Variants in LINGO2 observed in about 807,000 individuals in gnomAD.
The protein encoded by LINGO2 is leucine-rich repeat and immunoglobulin-like domain-containing nogo receptor-interacting protein 2.
A neutral mutation model predicts 30.6 loss-of-function variants in LINGO2; 14 were observed. The observed-to-expected ratio is 0.46, with a 90% CI of 0.30 to 0.72. LINGO2 has a LOEUF of 0.72. Among genes scored for constraint, LINGO2 ranks in the 30% least tolerant of loss-of-function variants. The pLI, the probability that LINGO2 is intolerant of heterozygous loss-of-function variation, is 0.07. For missense variants in LINGO2, 729 were observed against 751.7 expected, an observed-to-expected ratio of 0.97 and a Z score of 0.35; for synonymous variants, 317 against 288.5, an observed-to-expected ratio of 1.10 and a Z score of -1.00.
At chr9:28,423,537 G>A (rs1310944835) in intron 2 of LINGO2, among the ~76,000 whole-genome samples, 1 of 152,090 alleles carries the variant, frequency 6.6e-6, no homozygotes, top group East Asian at 1.9e-4. Flanking sequence ...GATGCTACCT[G>A]TCACTAAATT....
At position 28,388,373 on chromosome 9, in the gene LINGO2, C is replaced by T. The variant is rs567270334; in HGVS notation, c.-278-15505G>A. Among the ~76,000 whole-genome samples the T allele has an allele frequency of 1.3e-3, 193 of 152,268 alleles. No homozygotes were observed. The Middle Eastern group carries it at 0.024, about 19-fold the overall frequency. On this transcript the variant is annotated intron_variant, in intron 2 of 5. Transcript: ENST00000379992. ...CTATTGTAAACATTGCTGCTGTTAA[C>T]GTTCACCCCTGTGTCTCCTGATTCA...
the LINGO2 span, among the ~76,000 whole-genome samples, chr9:28,963,466 A>G: frequency 6.6e-6 from 1 of 151,536 alleles, no homozygotes; most frequent in African/African-American, 2.4e-5. Flanking sequence ...TTACTGTGGC[A>G]TTATTCACAA....
At chr9:28,929,220 T>C in the LINGO2 span, among the ~76,000 whole-genome samples, 1 of 152,226 alleles carries the variant, frequency 6.6e-6, no homozygotes, top group Non-Finnish European at 1.5e-5. Context: ...GGGAGATACA[T>C]GACACAGTAG....
chr9:29,088,246 T>G, the LINGO2 span, among the ~76,000 whole-genome samples: 2 of 152,146 alleles, frequency 1.3e-5, no homozygotes, highest in African/African-American at 2.4e-5. Context: ...GTCCTCCATC[T>G]TCCTATGATC....
chr9:28,655,212 T>C (rs575625241), intron 1 of LINGO2, among the ~76,000 whole-genome samples: 1 of 152,180 alleles, frequency 6.6e-6, no homozygotes, highest in Non-Finnish European at 1.5e-5. Flanking sequence ...CCTGCTGCCA[T>C]GTGAAGAAGG....
chr9:28,270,338 G>C, intron 4 of LINGO2, among the ~76,000 whole-genome samples: 1 of 152,144 alleles, frequency 6.6e-6, no homozygotes, highest in East Asian at 1.9e-4. Flanking sequence ...CTCTTTTCAT[G>C]TGTTTCCAGA....
the LINGO2 span, among the ~76,000 whole-genome samples, chr9:29,193,016 A>G: frequency 4.6e-5 from 7 of 152,194 alleles, no homozygotes; most frequent in African/African-American, 1.7e-4. Flanking sequence ...TCATCTGACA[A>G]GAGGCAGAAT....
intron 1 of LINGO2, among the ~76,000 whole-genome samples, chr9:28,579,771 A>G (rs547225746): frequency 6.6e-6 from 1 of 152,220 alleles, no homozygotes; most frequent in East Asian, 1.9e-4. Flanking sequence ...TGGATTCCCT[A>G]ATATTCCTTT....
intron 3 of LINGO2, among the ~76,000 whole-genome samples, chr9:28,322,140 G>T (rs1825066279): frequency 6.6e-6 from 1 of 151,846 alleles, no homozygotes; most frequent in South Asian, 2.1e-4. Context: ...TTCATCTTTA[G>T]ACACATCAAG....
chr9:27,986,796 C>T (rs1198122635), intron 5 of LINGO2, among the ~76,000 whole-genome samples: 1 of 151,772 alleles, frequency 6.6e-6, no homozygotes, highest in Non-Finnish European at 1.5e-5. Context: ...TGACATAATG[C>T]TTAAGACTGG....
chr9:28,072,835 C>A (rs1421013921), intron 4 of LINGO2, among the ~76,000 whole-genome samples: 1 of 151,936 alleles, frequency 6.6e-6, no homozygotes, highest in Admixed American at 6.6e-5. Flanking sequence ...CCAGAAAGGG[C>A]AGGAATGGAC....
the LINGO2 span, among the ~76,000 whole-genome samples, chr9:28,811,601 T>A: frequency 6.6e-6 from 1 of 152,162 alleles, no homozygotes; most frequent in Non-Finnish European, 1.5e-5. Flanking sequence ...ACTAGCTTTT[T>A]TTCTATTCCT....
At chr9:28,550,912 T>A (rs1023242050) in intron 1 of LINGO2, among the ~76,000 whole-genome samples, 9 of 151,822 alleles carry the variant, frequency 5.9e-5, no homozygotes, top group African/African-American at 1.7e-4. Flanking sequence ...AAAATTTAAA[T>A]ATGTACAAAA....
intron 4 of LINGO2, among the ~76,000 whole-genome samples, chr9:28,184,430 G>A (rs1306268494): frequency 6.6e-6 from 1 of 152,004 alleles, no homozygotes; most frequent in African/African-American, 2.4e-5. Context: ...ATATTGTTTT[G>A]TCTAAGGCTG....
the LINGO2 span, among the ~76,000 whole-genome samples, chr9:28,940,504 C>A: frequency 6.6e-6 from 1 of 151,786 alleles, no homozygotes; most frequent in Non-Finnish European, 1.5e-5. Flanking sequence ...AACTGTAATT[C>A]TATTGTGTTT....
chr9:27,971,688 C>G (rs760393724), intron 5 of LINGO2, among the ~76,000 whole-genome samples: 1 of 152,172 alleles, frequency 6.6e-6, no homozygotes, highest in Non-Finnish European at 1.5e-5. Flanking sequence ...GGCGCCCGGC[C>G]TGAAATTTAG....
the LINGO2 span, among the ~76,000 whole-genome samples, chr9:28,737,423 C>G: frequency 6.6e-6 from 1 of 152,148 alleles, no homozygotes; most frequent in Non-Finnish European, 1.5e-5. Context: ...CTTTAAGCTA[C>G]TAAGTCTTGC....
the LINGO2 span, among the ~76,000 whole-genome samples, chr9:29,068,109 G>T: frequency 6.6e-6 from 1 of 151,770 alleles, no homozygotes; most frequent in Non-Finnish European, 1.5e-5. Context: ...CCTGACAAAA[G>T]TTGTGGGAAA....
At chr9:28,397,543 CTT>C (rs386414751) in intron 2 of LINGO2, among the ~76,000 whole-genome samples, 15 of 110,024 alleles carry the variant, frequency 1.4e-4, no homozygotes, top group South Asian at 1.0e-3. Context: ...CAATAGATGT[CTT>C]TTTTTTTTTT....
Sources: gnomAD v4.1 joint callset for allele counts (sites outside exome capture counted in the v4.1 genomes callset) on GRCh38, gnomAD v4.1.1 for gene constraint, MANE v1.5 for transcripts, NCBI Gene and HGNC (gene_info 2026-07-23, HGNC 2026-07-21) for gene names.